The following CEP192 variants were observed in gnomAD, a reference collection of about 807,000 sequenced individuals.
CEP192 encodes centrosomal protein of 192 kDa.
Under a neutral mutation model 271.8 loss-of-function variants are expected in CEP192, and 151 were observed. The observed-to-expected ratio is 0.56, with a 90% confidence interval of 0.49 to 0.64. The LOEUF (loss-of-function observed/expected upper bound fraction) is 0.64. Among genes scored for constraint, CEP192 ranks in the 30% least tolerant of loss-of-function variants. CEP192 has a pLI of 0.00. For synonymous variants in CEP192, 995 were observed against 1,076.5 expected, an observed-to-expected ratio of 0.92 and a Z score of 1.48; for missense variants, 2,910 against 3,020.5, an observed-to-expected ratio of 0.96 and a Z score of 0.86.
intron 11 of CEP192, among the ~76,000 whole-genome samples, chr18:13,034,525 C>T (rs1036791443): frequency 1.3e-5 from 2 of 152,002 alleles, no homozygotes; most frequent in East Asian, 1.9e-4. Context: ...GAGCCTGCCT[C>T]GGCCGGGCGC....
At chr18:12,991,991 A>C (rs2032887867) in intron 1 of CEP192, among the ~76,000 whole-genome samples, 3 of 152,228 alleles carry the variant, frequency 2.0e-5, no homozygotes, top group African/African-American at 4.8e-5. Flanking sequence ...TATTCCTAAT[A>C]GTTTACCTAC....
chr18:13,016,705 G>A (rs191213012), intron 6 of CEP192, among the ~76,000 whole-genome samples: 80 of 152,274 alleles, frequency 5.3e-4, no homozygotes, highest in Admixed American at 1.8e-3. Flanking sequence ...ATGACTGACT[G>A]AGGGGTCATG....
At chr18:13,031,465 T>G (rs1167249589) in intron 11 of CEP192, among the ~76,000 whole-genome samples, 19 of 152,040 alleles carry the variant, frequency 1.2e-4, no homozygotes. Context: ...GCCGGGATGG[T>G]CTCGATCTCC....
At chr18:12,994,949 G>A (rs1252636269) in intron 1 of CEP192, among the ~76,000 whole-genome samples, 1 of 152,030 alleles carries the variant, frequency 6.6e-6, no homozygotes, top group African/African-American at 2.4e-5. Context: ...GTATTCTTCT[G>A]AGATGCCTGG....
intron 39 of CEP192, 32 bp from the exon 40 acceptor site, chr18:13,104,952 G>A (rs2039882818): frequency 6.6e-7 from 1 of 1,519,940 alleles, no homozygotes; most frequent in East Asian, 2.2e-5. Flanking sequence ...TGGCTTTATG[G>A]TTTTTAATTT....
intron 44 of CEP192, among the ~76,000 whole-genome samples, chr18:13,122,241 G>T (rs2040698460): frequency 6.6e-6 from 1 of 152,200 alleles, no homozygotes; most frequent in African/African-American, 2.4e-5. Flanking sequence ...GGCCAACATG[G>T]TGAAACCCCG....
At chr18:13,072,924 T>C in intron 29 of CEP192, 79 bp downstream of exon 29, 1 of 1,541,388 alleles carries the variant, frequency 6.5e-7, no homozygotes, top group Non-Finnish European at 8.9e-7. Context: ...TTTTGTGTTA[T>C]TTAGCTTTTA....
chr18:13,035,650 A>G (rs749475443), intron 11 of CEP192, among the ~76,000 whole-genome samples: 1 of 152,096 alleles, frequency 6.6e-6, no homozygotes, highest in Non-Finnish European at 1.5e-5. Context: ...CGAGTTTCCT[A>G]CTTCCCTTCT....
At position 13,073,025 on chromosome 18, in the gene CEP192, G is replaced by A. The variant is rs1568375451; in HGVS notation, c.5456G>A (p.Gly1819Asp). 3.7e-6 allele frequency: 6 copies of A among 1,608,800 alleles called. No homozygotes were observed. The highest frequency in any genetic ancestry group is 2.7e-5 in the African/African-American group (2 of 74,626). The change falls in exon 30 of 45, where the codon GGT (glycine) becomes GAT (aspartate). Residue 1819 changes from glycine to aspartate, a missense_variant. Physicochemically the swap from Gly to Asp is moderately conservative, Grantham distance 94. Transcript: ENST00000506447. ...AAATTGTAGCTTCAGAACACTTTTGGTTCAGAACAGCGATTGACCAGTAAC... is the reference window on the plus strand; with the variant it reads ...AAATTGTAGCTTCAGAACACTTTTGATTCAGAACAGCGATTGACCAGTAAC... ...QDCFQLQNTF[G>D]SEQRLTSNCE...
chr18:13,050,597 T>C (rs1010314801), intron 17 of CEP192, among the ~76,000 whole-genome samples: 8 of 151,898 alleles, frequency 5.3e-5, no homozygotes, highest in African/African-American at 1.7e-4. Context: ...TCTTTTTTTT[T>C]CCGACAGAGT....
chr18:13,114,919 A>G (rs1039935603), intron 42 of CEP192, among the ~76,000 whole-genome samples: 1 of 152,200 alleles, frequency 6.6e-6, no homozygotes, highest in African/African-American at 2.4e-5. Flanking sequence ...TACCAGCCGC[A>G]TATATAGCTT....
intron 38 of CEP192, 32 bp downstream of exon 38, chr18:13,100,544 G>T: frequency 6.8e-7 from 1 of 1,480,464 alleles, no homozygotes. Flanking sequence ...TAATTCAAAT[G>T]TCTGCTGATA....
Position 13,049,233 on chromosome 18 carries a change from C to T in CEP192, c.2442C>T (p.Pro814=), listed in dbSNP as rs767976500. 5.6e-6 allele frequency: 9 copies of T among 1,613,820 alleles called. No homozygotes were observed. In the South Asian group the frequency reaches 8.8e-5, roughly 16 times the overall value. Reference sequence around the variant, plus strand: ...CTGATACTTGGGATTTATCTTTGCCCAAAGAACAAACTACTCAAGACATTC... The same window carrying T: ...CTGATACTTGGGATTTATCTTTGCCTAAAGAACAAACTACTCAAGACATTC... ...SMSDTWDLSL[P]KEQTTQDIHP... The change falls in exon 16 of 45, where the codon CCC becomes CCT. Residue 814 remains proline (P), a synonymous_variant. Transcript: ENST00000506447.
Position 13,087,633 on chromosome 18 carries a change from CAG to C in CEP192, c.5981_5982del (p.Gln1994ProfsTer9). The stretch of plus-strand genomic sequence containing the variant: ...ATTTGGTGGAGATGAAATTTCAAGA[CAG>C]CAGTATCGCAGGTAGATTACTTATC... Reference protein sequence around the residue: ...YLFGGDEISRQQYRRALLHKP... With the variant: ...YLFGGDEISRXQYRRALLHKP... On this transcript the variant is annotated frameshift_variant, in exon 32 of 45. Coordinates refer to ENST00000506447, the MANE Select transcript of CEP192 (RefSeq NM_032142.4). LOFTEE classifies it high-confidence loss of function. The C allele has an allele frequency of 6.5e-7, 1 of 1,538,822 alleles. No individual in the cohort carries two copies. Among genetic ancestry groups the C allele is most frequent in the East Asian group, 2.3e-5 (1 of 43,170 alleles).
At chr18:13,052,879 G>A in intron 17 of CEP192, 40 bp from the exon 18 acceptor site, 1 of 1,430,340 alleles carries the variant, frequency 7.0e-7, no homozygotes, top group Non-Finnish European at 9.4e-7. Context: ...ATAGTTGAAG[G>A]ACTGGAGAAC....
chr18:13,040,826 G>A lies in CEP192; in HGVS notation c.1810-4G>A, dbSNP rs1481929840. The A allele has an allele frequency of 3.8e-6, 6 of 1,574,654 alleles. No individual in the cohort carries two copies. The African/African-American group carries it at 4.1e-5, about 11-fold the overall frequency. ...GAAATAATTTACCTTTAATTATTTTGTAGCCATCATTTGGCTATTTTATTA... is the reference window on the plus strand; with the variant it reads ...GAAATAATTTACCTTTAATTATTTTATAGCCATCATTTGGCTATTTTATTA... On this transcript the variant is annotated splice_polypyrimidine_tract_variant and splice_region_variant and intron_variant, in intron 13 of 44. Coordinates refer to ENST00000506447, the MANE Select transcript of CEP192 (RefSeq NM_032142.4).
chr18:13,113,529 G>T, intron 40 of CEP192, 57 bp from the exon 41 acceptor site: 1 of 1,548,182 alleles, frequency 6.5e-7, no homozygotes. Flanking sequence ...TGGTGATCTA[G>T]CTAACACTGT....
At chr18:13,030,042 T>A (rs535172505) in intron 10 of CEP192, 40 bp downstream of exon 10, 1 of 1,356,672 alleles carries the variant, frequency 7.4e-7, no homozygotes, top group Non-Finnish European at 1.0e-6. Flanking sequence ...AAGAAATAGA[T>A]GTTCATACAT....
intron 30 of CEP192, among the ~76,000 whole-genome samples, chr18:13,074,591 G>A (rs945091642): frequency 1.3e-5 from 2 of 152,172 alleles, no homozygotes; most frequent in Admixed American, 6.5e-5. Flanking sequence ...ACCAAGCAGG[G>A]GTTTGACATC....
Sources: allele counts gnomAD v4.1 joint callset (sites outside exome capture counted in the v4.1 genomes callset), GRCh38; gene constraint gnomAD v4.1.1; transcripts MANE v1.5; gene names NCBI Gene and HGNC (gene_info 2026-07-23, HGNC 2026-07-21).